The following MALRD1 variants were observed in gnomAD, a reference collection of about 807,000 sequenced individuals.
MALRD1 encodes the protein MAM and LDL-receptor class A domain-containing protein 1.
In MALRD1, 247 loss-of-function variants were observed where a neutral mutation model predicts 242.1. The ratio of observed to expected loss-of-function variants is 1.02; its 90% CI spans 0.92 to 1.13. The LOEUF is 1.13. Among genes scored for constraint, MALRD1 ranks in the 50% most tolerant of loss-of-function variants. The probability of loss-of-function intolerance (pLI) is 0.00; values close to 1 mark genes in which losing one functional copy is unlikely to be tolerated. For synonymous variants in MALRD1, 995 were observed against 866.6 expected, an observed-to-expected ratio of 1.15 and a Z score of -2.60; for missense variants, 2,989 against 2,533.1, an observed-to-expected ratio of 1.18 and a Z score of -3.86.
At chr10:19,447,326 T>G (rs1014631391) in intron 28 of MALRD1, among the ~76,000 whole-genome samples, 2 of 152,158 alleles carry the variant, frequency 1.3e-5, no homozygotes, top group African/African-American at 4.8e-5. Context: ...AGATGAGTAT[T>G]TTTGTTAGTT....
intron 34 of MALRD1, among the ~76,000 whole-genome samples, chr10:19,604,594 A>G (rs1466736315): frequency 6.6e-6 from 1 of 152,162 alleles, no homozygotes; most frequent in Non-Finnish European, 1.5e-5. Flanking sequence ...CAAGTTATCT[A>G]GATCTAGCTA....
At chr10:19,133,991 G>A in intron 9 of MALRD1, 43 bp downstream of exon 9, 2 of 1,056,418 alleles carry the variant, frequency 1.9e-6, no homozygotes, top group Non-Finnish European at 2.4e-6. Context: ...CATGGTTTAA[G>A]TTTTAGCTTT....
chr10:19,120,254 A>G (rs1050604514), intron 5 of MALRD1, among the ~76,000 whole-genome samples: 1 of 152,144 alleles, frequency 6.6e-6, no homozygotes, highest in African/African-American at 2.4e-5. Context: ...CAATCAGAAA[A>G]CCAGAAAAGA....
chr10:19,106,908 C>T (rs377519704), intron 5 of MALRD1, among the ~76,000 whole-genome samples: 181 of 151,844 alleles, frequency 1.2e-3, no homozygotes, highest in African/African-American at 3.5e-3. Flanking sequence ...TTCAGGGGTA[C>T]GATTAATTTT....
intron 38 of MALRD1, among the ~76,000 whole-genome samples, chr10:19,705,692 C>T (rs1833830648): frequency 6.6e-6 from 1 of 151,148 alleles, no homozygotes; most frequent in African/African-American, 2.4e-5. Context: ...GCCACCTATT[C>T]CTCCTCCTCC....
At position 19,328,938 on chromosome 10, in the gene MALRD1, A is replaced by C. The variant is rs570420054; in HGVS notation, c.3687+1265A>C. Among the ~76,000 whole-genome samples, 3 of 152,132 alleles carry C rather than the reference A, an allele frequency of 2.0e-5. No individual in the cohort carries two copies. In the South Asian group the frequency reaches 6.2e-4, roughly 31 times the overall value. On this transcript the variant is annotated intron_variant, in intron 23 of 39. Transcript: ENST00000454679. ...CATGTAGAAGATTCTACTCTGCCAC[A>C]CTTGGGCTTCCACCCCAGGAGATGA...
intron 4 of MALRD1, among the ~76,000 whole-genome samples, chr10:19,094,182 TCC>T (rs1354377228): frequency 9.4e-6 from 1 of 106,098 alleles, no homozygotes; most frequent in Non-Finnish European, 1.9e-5. Flanking sequence ...CGGGCGCCCC[TCC>T]CCCAGCCTCG....
intron 29 of MALRD1, among the ~76,000 whole-genome samples, chr10:19,473,545 G>T (rs1836596248): frequency 6.6e-6 from 1 of 151,838 alleles, no homozygotes; most frequent in Non-Finnish European, 1.5e-5. Context: ...TTCTACTCTG[G>T]GTGCCACACA....
intron 29 of MALRD1, among the ~76,000 whole-genome samples, chr10:19,456,081 G>A (rs904148062): frequency 6.6e-6 from 1 of 152,230 alleles, no homozygotes; most frequent in East Asian, 1.9e-4. Flanking sequence ...ATGATGACCA[G>A]TTTTCAGTTC....
intron 4 of MALRD1, among the ~76,000 whole-genome samples, chr10:19,099,810 G>T (rs150569759): frequency 8.6e-5 from 13 of 150,618 alleles, no homozygotes; most frequent in African/African-American, 3.2e-4. Context: ...CTGTCACCCA[G>T]GTTGGCATAC....
chr10:19,593,100 C>T (rs1387066887), intron 33 of MALRD1, among the ~76,000 whole-genome samples: 1 of 151,808 alleles, frequency 6.6e-6, no homozygotes, highest in South Asian at 2.1e-4. Flanking sequence ...GGTCCAGTAC[C>T]AGAAGAGCTA....
chr10:19,081,315 G>A (rs540889417), intron 2 of MALRD1, among the ~76,000 whole-genome samples: 22 of 152,128 alleles, frequency 1.4e-4, no homozygotes, highest in South Asian at 1.0e-3. Flanking sequence ...ACATACATGC[G>A]TATGTTCATT....
chr10:19,565,348 A>G (rs1836205412), intron 32 of MALRD1, among the ~76,000 whole-genome samples: 1 of 152,194 alleles, frequency 6.6e-6, no homozygotes. Flanking sequence ...ATAAAAATAG[A>G]CACATTAATA....
At chr10:19,465,541 T>A (rs188512555) in intron 29 of MALRD1, among the ~76,000 whole-genome samples, 76 of 152,072 alleles carry the variant, frequency 5.0e-4, no homozygotes, top group Admixed American at 1.0e-3. Context: ...TTTTAAAAAA[T>A]TTTTTTTGAG....
intron 11 of MALRD1, among the ~76,000 whole-genome samples, chr10:19,146,988 C>G (rs1181042699): frequency 6.6e-6 from 1 of 152,100 alleles, no homozygotes; most frequent in Non-Finnish European, 1.5e-5. Flanking sequence ...ATGTCATTCC[C>G]CATATACGTT....
intron 19 of MALRD1, among the ~76,000 whole-genome samples, chr10:19,264,089 G>A (rs943101525): frequency 6.6e-6 from 1 of 152,114 alleles, no homozygotes; most frequent in Non-Finnish European, 1.5e-5. Context: ...GACTGTTACT[G>A]TATTAGGGAG....
chr10:19,717,081 C>G (rs544989435), intron 38 of MALRD1, among the ~76,000 whole-genome samples: 23 of 152,064 alleles, frequency 1.5e-4, no homozygotes, highest in Non-Finnish European at 2.8e-4. Context: ...GATTTAAGAG[C>G]CTTGCTTCAC....
intron 14 of MALRD1, among the ~76,000 whole-genome samples, chr10:19,199,888 C>T (rs924085417): frequency 6.6e-6 from 1 of 152,074 alleles, no homozygotes; most frequent in African/African-American, 2.4e-5. Context: ...AATCCCTGAA[C>T]TTTGGGAGGC....
intron 39 of MALRD1, 50 bp downstream of exon 39, chr10:19,730,831 C>T (rs1401622740): frequency 7.1e-7 from 1 of 1,408,342 alleles, no homozygotes; most frequent in African/African-American, 1.4e-5. Context: ...CACACACATA[C>T]AAACACACAC....
Sources: gnomAD v4.1 joint callset for allele counts (sites outside exome capture counted in the v4.1 genomes callset) on GRCh38, gnomAD v4.1.1 for gene constraint, MANE v1.5 for transcripts, NCBI Gene and HGNC (gene_info 2026-07-23, HGNC 2026-07-21) for gene names.